Variants in PRSS37 observed in about 807,000 individuals in gnomAD.
PRSS37 encodes the protein probable inactive serine protease 37.
PRSS37 carries 25 observed loss-of-function variants against 28.0 expected under a neutral mutation model. The observed-to-expected ratio is 0.89, with a 90% CI of 0.65 to 1.25. PRSS37 has a LOEUF of 1.25. PRSS37 is among the 50% of genes most tolerant of loss of function. The pLI is 0.00. For synonymous variants in PRSS37, 109 were observed against 107.8 expected, an observed-to-expected ratio of 1.01 and a Z score of -0.07; for missense variants, 282 against 292.2, an observed-to-expected ratio of 0.97 and a Z score of 0.25.
chr7:141,837,390 A>C (rs112957846), intron 3 of PRSS37, 142 bp from the exon 4 acceptor site: 1 of 1,149,124 alleles, frequency 8.7e-7, no homozygotes, highest in Non-Finnish European at 1.2e-6. Context: ...AGAAATCATC[A>C]AGAGTGTGGT....
intron 3 of PRSS37, 126 bp downstream of exon 3, chr7:141,837,734 A>G: frequency 1.3e-6 from 2 of 1,547,454 alleles, no homozygotes; most frequent in Non-Finnish European, 1.8e-6. Flanking sequence ...CAGACCACTC[A>G]GGTAGCATCT....
At position 141,837,981 on chromosome 7, in the gene PRSS37, G is replaced by A; in HGVS notation, c.309C>T (p.Ile103=). The A allele has an allele frequency of 6.2e-7, 1 of 1,614,158 alleles. No individual in the cohort carries two copies. The change falls in exon 3 of 5, where the codon ATC becomes ATT. Residue 103 remains isoleucine (I), a synonymous_variant. Coordinates refer to ENST00000350549, the MANE Select transcript of PRSS37 (RefSeq NM_001008270.3). ...HSAPQDDLML[I]KLAKPAMLNP... is the part of the protein sequence containing the mutation. ...TGAGCATGGCAGGCTTAGCCAGCTT[G>A]ATGAGCATGAGGTCATCCTGTGGGG...
chr7:141,837,535 A>G (rs552537543), intron 3 of PRSS37: 2 of 1,450,846 alleles, frequency 1.4e-6, no homozygotes, highest in East Asian at 2.7e-5. Context: ...ATGTGAAATG[A>G]GCATGTATGA....
At chr7:141,838,233 C>T (rs1241638912) in intron 2 of PRSS37, 120 bp from the exon 3 acceptor site, 2 of 1,519,466 alleles carry the variant, frequency 1.3e-6, no homozygotes, top group East Asian at 2.3e-5. Context: ...TCATTTAACT[C>T]ACAACAAGTC....
rs754030377 is a variant in PRSS37, at chr7:141,837,992, G to T, written c.298C>A (p.Leu100Ile). The T allele has an allele frequency of 6.2e-7, 1 of 1,614,122 alleles. No individual in the cohort carries two copies. Among genetic ancestry groups the T allele is most frequent in the African/African-American group, 1.3e-5 (1 of 75,000 alleles). The part of the protein sequence containing the change: ...NYSHSAPQDD[L>I]MLIKLAKPAM... ...GGCTTAGCCAGCTTGATGAGCATGAGGTCATCCTGTGGGGCGCTATGACTG... is the reference window on the plus strand; with the variant it reads ...GGCTTAGCCAGCTTGATGAGCATGATGTCATCCTGTGGGGCGCTATGACTG... Residue 100 changes from leucine to isoleucine, a missense_variant, in exon 3 of 5, where the codon CTC becomes ATC. Coordinates refer to ENST00000350549, the MANE Select transcript of PRSS37 (RefSeq NM_001008270.3).
intron 2 of PRSS37, chr7:141,838,569 A>T (rs1801050711): frequency 1.9e-6 from 1 of 538,728 alleles, no homozygotes; most frequent in Admixed American, 5.1e-5. Flanking sequence ...TATGGATTTA[A>T]TCAGTGGGCT....
At position 141,839,237 on chromosome 7, in the gene PRSS37, A is replaced by C. The variant is rs1331686049; in HGVS notation, c.176+101T>G. On this transcript the variant is annotated intron_variant, in intron 2 of 4. Transcript: ENST00000350549. ...GTGACAACCAAAAATATCTTCAGAC[A>C]TTGCCAAGTGTACCCTGTAGAGAAG... 16 of 1,236,554 alleles carry C rather than the reference A, an allele frequency of 1.3e-5. No homozygotes were observed. In the East Asian group the frequency reaches 3.8e-4, roughly 29 times the overall value. 76.6% of individuals were successfully genotyped at this position (1,236,554 alleles called of 1,614,324 possible).
chr7:141,837,302 C>T, intron 3 of PRSS37, 54 bp from the exon 4 acceptor site: 6 of 1,540,658 alleles, frequency 3.9e-6, no homozygotes, highest in Middle Eastern at 1.7e-4. Flanking sequence ...TTATTTTAGT[C>T]CTTCTGACCA....
intron 2 of PRSS37, chr7:141,838,471 C>G (rs1801043286): frequency 6.1e-6 from 7 of 1,153,072 alleles, no homozygotes; most frequent in Non-Finnish European, 7.5e-6. Flanking sequence ...AATAAATAAC[C>G]TAGTTCTGGG....
At chr7:141,840,911 A>G (rs940127097) in intron 1 of PRSS37, 105 bp downstream of exon 1, 3 of 1,122,240 alleles carry the variant, frequency 2.7e-6, no homozygotes, top group East Asian at 2.4e-5. Flanking sequence ...TGCTGATGAC[A>G]CTATTTTTGA....
chr7:141,838,125 G>A lies in PRSS37; in HGVS notation c.177-12C>T, dbSNP rs555128023. On this transcript the variant is annotated splice_polypyrimidine_tract_variant and intron_variant, in intron 2 of 4. Coordinates refer to ENST00000350549, the MANE Select transcript of PRSS37 (RefSeq NM_001008270.3). ...TCACTTTCAGATTTCTGGAGGGAGAGGGGTTGGAAGTAATCATCATCATCA... is the reference window on the plus strand; with the variant it reads ...TCACTTTCAGATTTCTGGAGGGAGAAGGGTTGGAAGTAATCATCATCATCA... 1 of 1,609,398 alleles carries A rather than the reference G, an allele frequency of 6.2e-7. No individual in the cohort carries two copies. Among genetic ancestry groups the A allele is most frequent in the East Asian group, 2.2e-5 (1 of 44,472 alleles).
At position 141,836,490 on chromosome 7, in the gene PRSS37, T is replaced by C. The variant is rs969837014; in HGVS notation, c.613A>G (p.Ile205Val). Residue 205 changes from isoleucine to valine, a missense_variant, in exon 5 of 5, where the codon ATC becomes GTC. Ile to Val is a conservative substitution (Grantham distance 29, BLOSUM62 3). Transcript: ENST00000350549. ...TVICKDKLQG[I>V]EVGHFMGGDV... ...CCTCCCATGAAGTGCCCCACCTCGA[T>C]TCCCTGGAGCTTGTCTTTGCAGATG... 1.9e-6 allele frequency: 3 copies of C among 1,614,050 alleles called. No individual in the cohort carries two copies. Among genetic ancestry groups the C allele is most frequent in the Admixed American group, 1.7e-5 (1 of 60,016 alleles).
intron 3 of PRSS37, 60 bp downstream of exon 3, chr7:141,837,800 A>G (rs1442513765): frequency 2.5e-6 from 4 of 1,577,312 alleles, no homozygotes; most frequent in Non-Finnish European, 2.6e-6. Context: ...CTATGAGGAT[A>G]TGGATGTTCC....
At chr7:141,837,539 T>C (rs1405766227) in intron 3 of PRSS37, 2 of 1,478,008 alleles carry the variant, frequency 1.4e-6, no homozygotes, top group South Asian at 1.2e-5. Flanking sequence ...GAAATGAGCA[T>C]GTATGAGAAG....
At chr7:141,839,208 G>A in intron 2 of PRSS37, 130 bp downstream of exon 2, 1 of 882,554 alleles carries the variant, frequency 1.1e-6, no homozygotes, top group Non-Finnish European at 1.8e-6. Context: ...ACTGCCCCCT[G>A]GTTGTGACAA....
At chr7:141,838,990 TA>T (rs1345910177) in intron 2 of PRSS37, 6 of 475,732 alleles carry the variant, frequency 1.3e-5, no homozygotes, top group Admixed American at 2.3e-5. Flanking sequence ...CTTTAAGTGA[TA>T]AAATGCATTC....
Position 141,836,460 on chromosome 7 carries a change from C to T in PRSS37, c.643G>A (p.Val215Ile), listed in dbSNP as rs745313899. ...IEVGHFMGGD[V>I]GIYTNVYKYV... Reference sequence around the variant, plus strand: ...TTGTAAACATTGGTGTAGATGCCGACGTCCCCTCCCATGAAGTGCCCCACC... The same window carrying T: ...TTGTAAACATTGGTGTAGATGCCGATGTCCCCTCCCATGAAGTGCCCCACC... The change falls in exon 5 of 5, where the codon GTC (valine) becomes ATC (isoleucine). Residue 215 changes from valine (V) to isoleucine (I), a missense_variant. By Grantham distance (29) the Val-to-Ile change is conservative. Transcript: ENST00000350549. 2.2e-5 allele frequency: 36 copies of T among 1,611,132 alleles called. No homozygotes were observed. Among genetic ancestry groups the T allele is most frequent in the Middle Eastern group, 1.7e-4 (1 of 6,054 alleles).
intron 1 of PRSS37, among the ~76,000 whole-genome samples, chr7:141,839,905 A>T (rs1214633337): frequency 6.6e-6 from 1 of 152,226 alleles, no homozygotes; most frequent in East Asian, 1.9e-4. Flanking sequence ...ATAACAGCTG[A>T]ACACTGGAAA....
chr7:141,839,424 C>A lies in PRSS37; in HGVS notation c.90G>T (p.Leu30Phe). 1 of 1,613,564 alleles carries A rather than the reference C, an allele frequency of 6.2e-7. No individual in the cohort carries two copies. The highest frequency in any genetic ancestry group is 8.5e-7 in the Non-Finnish European group (1 of 1,179,630). ...GGTTGAAGTGAGACTTGAGGTACAC[C>A]AAATAGGGAGCAGGGTCTTCTTTCT... ...SVQKEDPAPY[L>F]VYLKSHFNPC... The change falls in exon 2 of 5, where the codon TTG becomes TTT. Residue 30 changes from leucine to phenylalanine, a missense_variant. Leu to Phe is a conservative substitution (Grantham distance 22, BLOSUM62 0). Coordinates refer to ENST00000350549, the MANE Select transcript of PRSS37 (RefSeq NM_001008270.3).
Sources: allele counts gnomAD v4.1 joint callset (sites outside exome capture counted in the v4.1 genomes callset), GRCh38; gene constraint gnomAD v4.1.1; transcripts MANE v1.5; gene names NCBI Gene and HGNC (gene_info 2026-07-23, HGNC 2026-07-21).